ATP8B4: variants seen among roughly 807,000 people sequenced by gnomAD.
The protein encoded by ATP8B4 is ATPase phospholipid transporting 8B4 (putative).
In ATP8B4, 133 loss-of-function variants were observed where a neutral mutation model predicts 145.6. The ratio of observed to expected loss-of-function variants is 0.91; its 90% CI spans 0.79 to 1.05. The LOEUF is 1.05. ATP8B4 is among the 50% of genes least tolerant of loss of function. The pLI, the probability that ATP8B4 is intolerant of heterozygous loss-of-function variation, is 0.00. For synonymous variants in ATP8B4, 507 were observed against 492.9 expected (o/e 1.03, Z -0.38); for missense variants, 1,458 against 1,425.2 (o/e 1.02, Z -0.37).
At chr15:50,032,812 AAGAC>A (rs1275355668) in intron 6 of ATP8B4, among the ~76,000 whole-genome samples, 2 of 152,194 alleles carry the variant, frequency 1.3e-5, no homozygotes, top group Admixed American at 6.5e-5. Context: ...CATAGAAAAA[AAGAC>A]AGAGAGGAAA....
At chr15:49,957,491 T>G (rs2043677874) in intron 14 of ATP8B4, among the ~76,000 whole-genome samples, 1 of 151,930 alleles carries the variant, frequency 6.6e-6, no homozygotes. Flanking sequence ...TGGGCCAAAC[T>G]CATTAAAAGA....
intron 1 of ATP8B4, among the ~76,000 whole-genome samples, chr15:50,159,992 T>C (rs1011160732): frequency 4.2e-5 from 6 of 142,010 alleles, no homozygotes; most frequent in African/African-American, 1.5e-4. Context: ...AAATATTTGA[T>C]AAAATTCAGC....
At chr15:49,997,645 G>A (rs1243435511) in intron 8 of ATP8B4, among the ~76,000 whole-genome samples, 4 of 152,038 alleles carry the variant, frequency 2.6e-5, no homozygotes, top group Admixed American at 1.3e-4. Context: ...AAACATCACT[G>A]TGTGGAATTT....
chr15:50,106,717 G>A (rs900456336), intron 2 of ATP8B4, among the ~76,000 whole-genome samples: 7 of 152,216 alleles, frequency 4.6e-5, no homozygotes, highest in Non-Finnish European at 7.4e-5. Flanking sequence ...AAGAATGAAC[G>A]AAAAGGAGCA....
intron 1 of ATP8B4, among the ~76,000 whole-genome samples, chr15:50,107,244 G>A (rs1341289659): frequency 2.6e-5 from 4 of 152,118 alleles, no homozygotes; most frequent in Non-Finnish European, 4.4e-5. Context: ...GCACAAATGC[G>A]CCACTCAATT....
intron 10 of ATP8B4, among the ~76,000 whole-genome samples, chr15:49,983,106 C>A (rs1477235360): frequency 6.6e-6 from 1 of 152,126 alleles, no homozygotes; most frequent in East Asian, 1.9e-4. Flanking sequence ...CTCAATCTAC[C>A]TTCCCTGAGC....
chr15:49,976,319 T>C (rs2045658359), intron 12 of ATP8B4, among the ~76,000 whole-genome samples: 1 of 151,028 alleles, frequency 6.6e-6, no homozygotes, highest in Non-Finnish European at 1.5e-5. Flanking sequence ...CTTACTCTTT[T>C]CACTCAAAAA....
chr15:49,891,685 C>A (rs1187174732), intron 23 of ATP8B4, among the ~76,000 whole-genome samples: 1 of 152,082 alleles, frequency 6.6e-6, no homozygotes, highest in Admixed American at 6.6e-5. Flanking sequence ...TGAGAAAAAC[C>A]AGTTCTAGGT....
chr15:50,012,742 G>C (rs1266812320), intron 6 of ATP8B4, among the ~76,000 whole-genome samples: 1 of 152,126 alleles, frequency 6.6e-6, no homozygotes, highest in Admixed American at 6.5e-5. Flanking sequence ...AATGTAACTA[G>C]AGTTTACAGA....
chr15:49,947,177 A>C (rs1260971833), intron 14 of ATP8B4, among the ~76,000 whole-genome samples: 1 of 152,166 alleles, frequency 6.6e-6, no homozygotes, highest in Non-Finnish European at 1.5e-5. Flanking sequence ...TCATGCTTGT[A>C]ATCCCAGCAT....
intron 20 of ATP8B4, among the ~76,000 whole-genome samples, chr15:49,911,368 G>C (rs1005769777): frequency 4.6e-5 from 7 of 151,974 alleles, no homozygotes; most frequent in African/African-American, 1.7e-4. Context: ...AACAGGAGTA[G>C]CTATACTTAT....
intron 1 of ATP8B4, among the ~76,000 whole-genome samples, chr15:50,112,494 C>T (rs1335053837): frequency 2.6e-5 from 4 of 152,064 alleles, no homozygotes; most frequent in African/African-American, 9.7e-5. Context: ...CTAACGTGCC[C>T]AACCCCAGAT....
chr15:50,087,375 T>G (rs1394682382), intron 2 of ATP8B4, among the ~76,000 whole-genome samples: 2 of 142,524 alleles, frequency 1.4e-5, no homozygotes, highest in Non-Finnish European at 3.0e-5. Flanking sequence ...TAAAATAATA[T>G]ATAGATATAT....
At chr15:50,091,977 C>T (rs539262359) in intron 2 of ATP8B4, among the ~76,000 whole-genome samples, 12 of 152,048 alleles carry the variant, frequency 7.9e-5, no homozygotes, top group East Asian at 1.9e-4. Context: ...AGCCAAGATC[C>T]GGAAGAAAAG....
intron 1 of ATP8B4, among the ~76,000 whole-genome samples, chr15:50,152,679 G>A (rs905110626): frequency 6.6e-6 from 1 of 152,016 alleles, no homozygotes; most frequent in Non-Finnish European, 1.5e-5. Context: ...CTAACATACA[G>A]GACCAAAGAG....
At chr15:49,934,422 G>T (rs1379041543) in intron 14 of ATP8B4, among the ~76,000 whole-genome samples, 1 of 151,946 alleles carries the variant, frequency 6.6e-6, no homozygotes, top group African/African-American at 2.4e-5. Context: ...AACTATATGG[G>T]ATGGCTGTAC....
intron 20 of ATP8B4, chr15:49,901,768 GA>G: frequency 2.5e-6 from 1 of 400,720 alleles, no homozygotes; most frequent in Non-Finnish European, 4.8e-6. Flanking sequence ...TTAACAAGAA[GA>G]AAAATGATGG....
chr15:49,897,555 G>A (rs1271798631), intron 22 of ATP8B4, 40 bp from the exon 23 acceptor site: 6 of 1,412,722 alleles, frequency 4.2e-6, no homozygotes, highest in Non-Finnish European at 5.6e-6. Context: ...CCAAAACAAA[G>A]CCACGATCTC....
At position 49,876,839 on chromosome 15, in the gene ATP8B4, T is replaced by C. The variant is rs554607777; in HGVS notation, c.2782-316A>G. The stretch of plus-strand genomic sequence containing the variant: ...TCAAATTGAAGTTTCTTTCCTACAC[T>C]CTCCTGCAGGCTGTCAGAAGCATTC... On this transcript the variant is annotated intron_variant, in intron 24 of 27. Coordinates refer to ENST00000284509, the MANE Select transcript of ATP8B4 (RefSeq NM_024837.4). The C allele has an allele frequency of 5.3e-4, 237 of 446,406 alleles. 1 individual carries two copies. Among genetic ancestry groups the C allele is most frequent in the African/African-American group, 4.4e-3 (222 of 49,922 alleles). The allele number at this position is 446,406 out of a possible 1,614,324, so 27.7% of individuals were successfully genotyped here.
Sources: gnomAD v4.1 joint callset for allele counts (sites outside exome capture counted in the v4.1 genomes callset) on GRCh38, gnomAD v4.1.1 for gene constraint, MANE v1.5 for transcripts, NCBI Gene and HGNC (gene_info 2026-07-23, HGNC 2026-07-21) for gene names.